TRIM44: variants seen among roughly 807,000 people sequenced by gnomAD.
The protein encoded by TRIM44 is tripartite motif-containing protein 44.
In TRIM44, 13 loss-of-function variants were observed where a neutral mutation model predicts 37.4. The observed-to-expected ratio is 0.35, with a 90% CI of 0.23 to 0.55. The LOEUF (loss-of-function observed/expected upper bound fraction) is 0.55. TRIM44 is among the 20% of genes least tolerant of loss of function. The pLI is 0.89. For missense variants in TRIM44, 426 were observed against 437.2 expected (o/e 0.97, Z 0.23); for synonymous variants, 175 against 157.2 (o/e 1.11, Z -0.85).
chr11:35,776,005 C>G (rs1431108232), intron 4 of TRIM44, among the ~76,000 whole-genome samples: 1 of 152,090 alleles, frequency 6.6e-6, no homozygotes, highest in Non-Finnish European at 1.5e-5. Context: ...AGAGAGGATT[C>G]CCTCTCTTTT....
In TRIM44 at chr11:35,730,260, T is replaced by C. The variant is rs150507650; in HGVS notation, c.987+4097T>C. On this transcript the variant is annotated intron_variant, in intron 3 of 4. Coordinates refer to ENST00000299413, the MANE Select transcript of TRIM44 (RefSeq NM_017583.6). Reference sequence around the variant, plus strand: ...TTAATGGCAAACCGAAAGAAAGATTTGGTGAATTTGAAGATAGATTGATAC... The same window carrying C: ...TTAATGGCAAACCGAAAGAAAGATTCGGTGAATTTGAAGATAGATTGATAC... Among the ~76,000 whole-genome samples, 280 of 152,228 alleles carry C rather than the reference T, an allele frequency of 1.8e-3. 2 individuals carry two copies. The highest frequency in any genetic ancestry group is 6.5e-3 in the African/African-American group (269 of 41,538).
intron 4 of TRIM44, among the ~76,000 whole-genome samples, chr11:35,756,020 A>T (rs1279905033): frequency 5.3e-5 from 8 of 152,072 alleles, no homozygotes; most frequent in Non-Finnish European, 4.4e-5. Flanking sequence ...ACTTTAAAGT[A>T]GTTTTTTCCA....
intron 2 of TRIM44, among the ~76,000 whole-genome samples, chr11:35,720,903 A>C (rs57841202): frequency 0.15 from 23,086 of 150,770 alleles, 2,015 homozygotes; most frequent in East Asian, 0.24. Flanking sequence ...GTCATGGTAT[A>C]TAATTCTTTT....
In TRIM44 at chr11:35,815,897, G is replaced by A. The variant is rs1853575815; in HGVS notation, c.*9512G>A. On this transcript the variant is annotated 3_prime_UTR_variant, in exon 5 of 5. Transcript: ENST00000299413. ...ATGGGCTTGTTTGCTTTCAGTCACT[G>A]CCTTCAGAAAAAGACAATTTTACAA... 1 of 152,124 alleles carries A rather than the reference G, an allele frequency of 6.6e-6. No individual in the cohort carries two copies. The highest frequency in any genetic ancestry group is 1.5e-5 in the Non-Finnish European group (1 of 68,024). The allele number at this position is 152,124 out of a possible 1,614,324, so 9.4% of individuals were successfully genotyped here.
chr11:35,663,196 G>A lies in TRIM44; in HGVS notation c.85G>A (p.Ala29Thr), dbSNP rs981004062. 1.9e-6 allele frequency: 3 copies of A among 1,593,454 alleles called. No individual in the cohort carries two copies. The highest frequency in any genetic ancestry group is 2.6e-6 in the Non-Finnish European group (3 of 1,169,386). The change falls in exon 1 of 5, where the codon GCC (alanine) becomes ACC (threonine). Residue 29 changes from alanine to threonine, a missense_variant. Ala to Thr is a moderately conservative substitution (Grantham distance 58). Around this residue, in one of 2 missense-constraint regions of TRIM44, gnomAD observed 331 missense variants for 303.0 expected, o/e 1.09. Transcript: ENST00000299413. Reference sequence around the variant, plus strand: ...GTGCGAGCCCGACGAGGCTCCGGGGGCCGAGGAAGTGTGCCGAGAATGCGG... The same window carrying A: ...GTGCGAGCCCGACGAGGCTCCGGGGACCGAGGAAGTGTGCCGAGAATGCGG... ...DECEPDEAPG[A>T]EEVCRECGFC...
rs909057649 is a variant in TRIM44, at chr11:35,810,649, C to G, written c.*4264C>G. On this transcript the variant is annotated 3_prime_UTR_variant, in exon 5 of 5. Transcript: ENST00000299413. Reference sequence around the variant, plus strand: ...GCAGAAAAATGAAAATAAGTGGAGACACTTATGGATACATTGGTGCAAAAA... The same window carrying G: ...GCAGAAAAATGAAAATAAGTGGAGAGACTTATGGATACATTGGTGCAAAAA... 1 of 152,168 alleles carries G rather than the reference C, an allele frequency of 6.6e-6. No homozygotes were observed. The highest frequency in any genetic ancestry group is 1.5e-5 in the Non-Finnish European group (1 of 68,054). The allele number at this position is 152,168 out of a possible 1,614,324, so 9.4% of individuals were successfully genotyped here.
chr11:35,780,093 CTT>C (rs1853041309), intron 4 of TRIM44, among the ~76,000 whole-genome samples: 1 of 151,814 alleles, frequency 6.6e-6, no homozygotes, highest in South Asian at 2.1e-4. Context: ...ATCTGGGCTC[CTT>C]TTTGGTTATA....
chr11:35,723,903 C>G (rs1852137819), intron 2 of TRIM44, among the ~76,000 whole-genome samples: 2 of 152,080 alleles, frequency 1.3e-5, no homozygotes, highest in Admixed American at 1.3e-4. Context: ...ATCCATTGAT[C>G]AATGATCACT....
At chr11:35,801,127 G>A (rs915062631) in intron 4 of TRIM44, among the ~76,000 whole-genome samples, 5 of 152,328 alleles carry the variant, frequency 3.3e-5, no homozygotes, top group Middle Eastern at 3.4e-3. Flanking sequence ...CCCTGGATCC[G>A]AGTGTTTAGT....
chr11:35,690,011 A>G (rs1324142448), intron 2 of TRIM44, among the ~76,000 whole-genome samples: 1 of 152,178 alleles, frequency 6.6e-6, no homozygotes, highest in Non-Finnish European at 1.5e-5. Flanking sequence ...TTGAATTCAT[A>G]CTAATCTTAT....
At chr11:35,678,464 T>C (rs773996641) in intron 1 of TRIM44, among the ~76,000 whole-genome samples, 13 of 152,148 alleles carry the variant, frequency 8.5e-5, no homozygotes, top group South Asian at 2.1e-4. Context: ...AGTTAGAAAA[T>C]GAAGTAATAT....
intron 1 of TRIM44, among the ~76,000 whole-genome samples, chr11:35,673,474 A>T (rs1851423680): frequency 6.6e-6 from 1 of 152,240 alleles, no homozygotes; most frequent in Non-Finnish European, 1.5e-5. Flanking sequence ...TTGTTAGCAT[A>T]GATGAAAATA....
chr11:35,662,874 C>A lies in TRIM44; in HGVS notation c.-238C>A, dbSNP rs890516481. Reference sequence around the variant, plus strand: ...GGGTGGCCGCGCCGGAAGTGCCTTGCGCGGCAGAGGAAGCGCAGGGACAGA... The same window carrying A: ...GGGTGGCCGCGCCGGAAGTGCCTTGAGCGGCAGAGGAAGCGCAGGGACAGA... On this transcript the variant is annotated 5_prime_UTR_variant, in exon 1 of 5. Coordinates refer to ENST00000299413, the MANE Select transcript of TRIM44 (RefSeq NM_017583.6). 2 of 545,194 alleles carry A rather than the reference C, an allele frequency of 3.7e-6. No individual in the cohort carries two copies. Among genetic ancestry groups the A allele is most frequent in the East Asian group, 4.1e-5 (1 of 24,330 alleles). 33.8% of individuals were successfully genotyped at this position (545,194 alleles called of 1,614,324 possible).
At chr11:35,794,344 G>T (rs1329202517) in intron 4 of TRIM44, among the ~76,000 whole-genome samples, 3 of 152,254 alleles carry the variant, frequency 2.0e-5, no homozygotes, top group Admixed American at 6.5e-5. Flanking sequence ...CTCACAGCTG[G>T]GTTGTGGAGA....
At chr11:35,781,608 G>A (rs191569857) in intron 4 of TRIM44, among the ~76,000 whole-genome samples, 23 of 152,338 alleles carry the variant, frequency 1.5e-4, no homozygotes, top group Admixed American at 1.4e-3. Flanking sequence ...GCTGGATTAT[G>A]TGAACATTTG....
At chr11:35,674,669 A>G (rs773755150) in intron 1 of TRIM44, among the ~76,000 whole-genome samples, 32 of 152,170 alleles carry the variant, frequency 2.1e-4, no homozygotes, top group Non-Finnish European at 3.8e-4. Flanking sequence ...ATGATATTTT[A>G]TTTTCTTAAA....
chr11:35,782,864 G>T (rs1416901085), intron 4 of TRIM44, among the ~76,000 whole-genome samples: 2 of 152,172 alleles, frequency 1.3e-5, no homozygotes, highest in Non-Finnish European at 2.9e-5. Flanking sequence ...CCAATCAGTA[G>T]TATCTGCCAA....
At chr11:35,754,391 A>G (rs1290550868) in intron 4 of TRIM44, among the ~76,000 whole-genome samples, 1 of 151,994 alleles carries the variant, frequency 6.6e-6, no homozygotes, top group Non-Finnish European at 1.5e-5. Flanking sequence ...TATTATGGAG[A>G]CTCACTGCCT....
In TRIM44 at chr11:35,663,491, A is replaced by C; in HGVS notation, c.380A>C (p.Glu127Ala). The change falls in exon 1 of 5, where the codon GAA (glutamate) becomes GCA (alanine). Residue 127 changes from glutamate to alanine, a missense_variant. By Grantham distance (107) the Glu-to-Ala change is moderately radical (BLOSUM62 -1). This residue lies in a region of TRIM44 where 331 missense variants were observed against 303.0 expected (regional missense o/e 1.09). Coordinates refer to ENST00000299413, the MANE Select transcript of TRIM44 (RefSeq NM_017583.6). ...GATGAGAGCGATGAGGAGAGTGAAG[A>C]AGACAGCGAGGAAGAAATGGAGGAT... ...SEDESDEESE[E>A]DSEEEMEDEQ... The C allele has an allele frequency of 6.3e-7, 1 of 1,575,742 alleles. No homozygotes were observed. The highest frequency in any genetic ancestry group is 8.6e-7 in the Non-Finnish European group (1 of 1,160,040).
Sources: allele counts gnomAD v4.1 joint callset (sites outside exome capture counted in the v4.1 genomes callset), GRCh38; gene constraint gnomAD v4.1.1; regional missense constraint gnomAD v4.1.1; transcripts MANE v1.5; gene names NCBI Gene and HGNC (gene_info 2026-07-23, HGNC 2026-07-21).